HMGXB3: variants seen among roughly 807,000 people sequenced by gnomAD.
HMGXB3 encodes the protein HMG domain-containing protein 3.
A neutral mutation model predicts 121.5 loss-of-function variants in HMGXB3; 45 were observed. The observed-to-expected ratio is 0.37, with a 90% CI of 0.29 to 0.47. The LOEUF is 0.47. HMGXB3 is among the 20% of genes least tolerant of loss of function. HMGXB3 has a pLI of 0.99. For synonymous variants in HMGXB3, 590 were observed against 624.1 expected (o/e 0.95, Z 0.81); for missense variants, 1,376 against 1,602.2 (o/e 0.86, Z 2.41).
At chr5:150,015,786 T>A (rs772241169) in intron 5 of HMGXB3, among the ~76,000 whole-genome samples, 4 of 152,232 alleles carry the variant, frequency 2.6e-5, no homozygotes, top group African/African-American at 9.6e-5. Flanking sequence ...TTTCCAGATA[T>A]CTTTCTGTTA....
At position 150,032,662 on chromosome 5, in the gene HMGXB3, G is replaced by A; in HGVS notation, c.1983+59G>A. The A allele has an allele frequency of 3.3e-6, 5 of 1,522,380 alleles. 1 individual carries two copies. In the South Asian group the frequency reaches 6.0e-5, roughly 18 times the overall value. The allele number at this position is 1,522,380 out of a possible 1,614,324, so 94.3% of individuals were successfully genotyped here. On this transcript the variant is annotated intron_variant, in intron 11 of 19. Transcript: ENST00000502717. ...TGTTCTGGGCTCTGTTAGTGAACCTGTCTTAGTAGAAATAAGAAGATTTTT... is the reference window on the plus strand; with the variant it reads ...TGTTCTGGGCTCTGTTAGTGAACCTATCTTAGTAGAAATAAGAAGATTTTT...
At chr5:150,037,633 G>C in intron 13 of HMGXB3, 106 bp downstream of exon 13, 1 of 975,418 alleles carries the variant, frequency 1.0e-6, no homozygotes. Flanking sequence ...TCTCAGATGG[G>C]GCTTCTGAGG....
At position 150,045,496 on chromosome 5, in the gene HMGXB3, G is replaced by A; in HGVS notation, c.2761G>A (p.Glu921Lys). The A allele has an allele frequency of 6.4e-7, 1 of 1,552,306 alleles. No individual in the cohort carries two copies. The highest frequency in any genetic ancestry group is 8.7e-7 in the Non-Finnish European group (1 of 1,147,120). ...CTGGCCTGAATTCCTGGGCTCTAAT[G>A]AGGTAAATGTGGAGGACTTTTGGGC... Reference protein sequence around the residue: ...FTWPEFLGSNEVNVEDFWATM... With the variant: ...FTWPEFLGSNKVNVEDFWATM... Residue 921 changes from glutamate to lysine, a missense_variant, in exon 16 of 20, where the codon GAG becomes AAG. Glu to Lys is a moderately conservative substitution (Grantham distance 56). Coordinates refer to ENST00000502717, the MANE Select transcript of HMGXB3 (RefSeq NM_014983.3).
At chr5:150,034,008 T>G (rs1756441782) in intron 11 of HMGXB3, among the ~76,000 whole-genome samples, 1 of 152,124 alleles carries the variant, frequency 6.6e-6, no homozygotes, top group Non-Finnish European at 1.5e-5. Context: ...GTTTCTCCAT[T>G]GGTAAAGTAA....
At position 150,000,884 on chromosome 5, in the gene HMGXB3, T is replaced by A. The variant is rs1422157053; in HGVS notation, c.-298T>A. The A allele has an allele frequency of 6.5e-6, 1 of 154,730 alleles. No individual in the cohort carries two copies. Among genetic ancestry groups the A allele is most frequent in the Admixed American group, 6.5e-5 (1 of 15,296 alleles). The allele number at this position is 154,730 out of a possible 1,614,324, so 9.6% of individuals were successfully genotyped here. A position where few individuals can be genotyped will look rare whatever the true frequency, so the allele number is the denominator to read the frequency against. On this transcript the variant is annotated 5_prime_UTR_variant, in exon 1 of 20. Coordinates refer to ENST00000502717, the MANE Select transcript of HMGXB3 (RefSeq NM_014983.3). ...CGGTGAGGAGCCTGCGGAGCGAACCTGTGCTCCTATTCTTGCCCTTCAGGA... is the reference window on the plus strand; with the variant it reads ...CGGTGAGGAGCCTGCGGAGCGAACCAGTGCTCCTATTCTTGCCCTTCAGGA...
At chr5:150,030,509 T>C in intron 9 of HMGXB3, 1 of 468,886 alleles carries the variant, frequency 2.1e-6, no homozygotes, top group Admixed American at 3.6e-5. Flanking sequence ...TCATGGTGTT[T>C]CTAATACATG....
chr5:150,039,432 G>A (rs1756574071), intron 13 of HMGXB3, among the ~76,000 whole-genome samples: 1 of 151,874 alleles, frequency 6.6e-6, no homozygotes, highest in Admixed American at 6.6e-5. Context: ...TAGTATAGAA[G>A]TATAATTAAG....
chr5:150,047,464 T>G, intron 16 of HMGXB3, 160 bp from the exon 17 acceptor site: 1 of 743,214 alleles, frequency 1.3e-6, no homozygotes, highest in South Asian at 1.9e-5. Context: ...ACTTCAAATA[T>G]CTGCAGAAAG....
chr5:150,014,210 C>T (rs1369600172), intron 5 of HMGXB3, among the ~76,000 whole-genome samples: 1 of 152,194 alleles, frequency 6.6e-6, no homozygotes, highest in Non-Finnish European at 1.5e-5. Context: ...ACCTCGGTTA[C>T]TAACACCTAA....
In HMGXB3 at chr5:150,049,419, C is replaced by CG. The variant is rs1561890230; in HGVS notation, c.3201+734_3201+735insG. Among the ~76,000 whole-genome samples, 5 of 151,926 alleles carry CG rather than the reference C, an allele frequency of 3.3e-5. No homozygotes were observed. In the East Asian group the frequency reaches 9.6e-4, roughly 29 times the overall value. ...AGATCTTGGAACGGAAACCCCCCCC[C>CG]TTAACAGGTACTGAATGGGAGAGAG... is the stretch of plus-strand genomic sequence containing the variant. On this transcript the variant is annotated intron_variant, in intron 18 of 19. Transcript: ENST00000502717.
At position 150,053,054 on chromosome 5, in the gene HMGXB3, G is replaced by GTTAAT. The variant is rs540746266; in HGVS notation, c.*866_*870dup. 6.3e-5 allele frequency: 11 copies of GTTAAT among 174,180 alleles called. No homozygotes were observed. The highest frequency in any genetic ancestry group is 2.2e-3 in the Middle Eastern group (1 of 446). The allele number at this position is 174,180 out of a possible 1,614,324, so 10.8% of individuals were successfully genotyped here. A position where few individuals can be genotyped will look rare whatever the true frequency, so the allele number is the denominator to read the frequency against. On this transcript the variant is annotated 3_prime_UTR_variant, in exon 20 of 20. Transcript: ENST00000502717. Reference sequence around the variant, plus strand: ...TTTAGGGCCTGGGAATTGGCCATGTGTTAATTTATTGAGTGGAGTAGGTGG... The same window carrying GTTAAT: ...TTTAGGGCCTGGGAATTGGCCATGTGTTAATTTAATTTATTGAGTGGAGTAGGTGG...
At chr5:150,006,443 G>T (rs1169292093) in intron 2 of HMGXB3, 30 bp from the exon 3 acceptor site, 3 of 1,535,984 alleles carry the variant, frequency 2.0e-6, no homozygotes, top group Non-Finnish European at 2.6e-6. Flanking sequence ...CCATTACTGG[G>T]AAAGCCTGAA....
intron 6 of HMGXB3, among the ~76,000 whole-genome samples, chr5:150,018,969 T>C (rs1756021804): frequency 6.6e-6 from 1 of 152,084 alleles, no homozygotes; most frequent in Non-Finnish European, 1.5e-5. Context: ...AAGTTCTGTA[T>C]CTGTTTTTTT....
At chr5:150,015,039 ATGT>A (rs1755928316) in intron 5 of HMGXB3, 1 of 494,646 alleles carries the variant, frequency 2.0e-6, no homozygotes, top group African/African-American at 2.0e-5. Context: ...TTTGGCCTAA[ATGT>A]TGTGGTCATT....
intron 3 of HMGXB3, among the ~76,000 whole-genome samples, chr5:150,009,411 G>A (rs150889084): frequency 6.6e-6 from 1 of 152,154 alleles, no homozygotes; most frequent in African/African-American, 2.4e-5. Flanking sequence ...AAGGTACTGG[G>A]TCATTGTTAA....
chr5:150,012,019 C>T (rs1755851853), intron 4 of HMGXB3, among the ~76,000 whole-genome samples: 1 of 152,236 alleles, frequency 6.6e-6, no homozygotes, highest in Non-Finnish European at 1.5e-5. Context: ...TCCTAAATGT[C>T]TTAGAACCTC....
chr5:150,048,761 A>C, intron 18 of HMGXB3, 76 bp downstream of exon 18: 36 of 1,103,292 alleles, frequency 3.3e-5, no homozygotes, highest in Non-Finnish European at 4.6e-5. Flanking sequence ...GATCCAGCTC[A>C]GTTTTGGGGG....
chr5:150,048,873 T>A (rs1236181329), intron 18 of HMGXB3, among the ~76,000 whole-genome samples, 188 bp downstream of exon 18: 5 of 152,156 alleles, frequency 3.3e-5, no homozygotes, highest in Non-Finnish European at 7.3e-5. Flanking sequence ...CAGTATTTTT[T>A]AAGCACCCTA....
At chr5:150,034,827 C>T (rs1023425537) in intron 11 of HMGXB3, among the ~76,000 whole-genome samples, 6 of 152,078 alleles carry the variant, frequency 3.9e-5, no homozygotes, top group African/African-American at 9.7e-5. Flanking sequence ...TCATCTCTGG[C>T]GAGAGTCACG....
Sources: allele counts gnomAD v4.1 joint callset (sites outside exome capture counted in the v4.1 genomes callset), GRCh38; gene constraint gnomAD v4.1.1; transcripts MANE v1.5; gene names NCBI Gene and HGNC (gene_info 2026-07-23, HGNC 2026-07-21).